The following RABGAP1L variants were observed in gnomAD, a reference collection of about 807,000 sequenced individuals.
The protein encoded by RABGAP1L is RAB GTPase activating protein 1 like.
A neutral mutation model predicts 137.7 loss-of-function variants in RABGAP1L; 63 were observed. That is an observed-to-expected ratio of 0.46 (90% confidence interval 0.37 to 0.56). The LOEUF (loss-of-function observed/expected upper bound fraction) is 0.56, where lower values mean the gene tolerates loss of function less well. RABGAP1L is among the 20% of genes least tolerant of loss of function. RABGAP1L has a pLI of 0.00. For synonymous variants in RABGAP1L, 431 were observed against 433.7 expected (o/e 0.99, Z 0.08); for missense variants, 1,095 against 1,244.0 (o/e 0.88, Z 1.80).
At chr1:174,908,537 CTT>C (rs774387616) in intron 19 of RABGAP1L, among the ~76,000 whole-genome samples, 2,808 of 94,318 alleles carry the variant, frequency 0.03, 16 homozygotes, top group Middle Eastern at 0.085. Context: ...ACAACATATT[CTT>C]TTTTTTTTTT....
chr1:174,548,292 G>T, intron 13 of RABGAP1L: 1 of 1,287,424 alleles, frequency 7.8e-7, no homozygotes, highest in Non-Finnish European at 9.9e-7. Context: ...TAGTTAAGTT[G>T]TTTACCCTCT....
intron 19 of RABGAP1L, among the ~76,000 whole-genome samples, chr1:174,891,809 C>G (rs745454828): frequency 6.6e-6 from 1 of 152,158 alleles, no homozygotes; most frequent in Non-Finnish European, 1.5e-5. Flanking sequence ...TCAGCCTTTT[C>G]TTGGATTTAA....
intron 13 of RABGAP1L, among the ~76,000 whole-genome samples, chr1:174,605,419 T>C (rs1670713722): frequency 6.6e-6 from 1 of 152,204 alleles, no homozygotes; most frequent in Non-Finnish European, 1.5e-5. Flanking sequence ...TCTTGACTGG[T>C]TTACTTTTGC....
At chr1:174,387,833 A>G (rs1327011721) in intron 12 of RABGAP1L, among the ~76,000 whole-genome samples, 3 of 152,238 alleles carry the variant, frequency 2.0e-5, no homozygotes, top group Admixed American at 2.0e-4. Flanking sequence ...TAAAAAACTA[A>G]CATAATTGAT....
chr1:174,930,387 C>T (rs557957104), intron 19 of RABGAP1L, among the ~76,000 whole-genome samples: 1 of 150,592 alleles, frequency 6.6e-6, no homozygotes, highest in African/African-American at 2.4e-5. Context: ...AGTACAGTGT[C>T]AGATGGCAGG....
At chr1:174,706,316 C>A (rs1249568647) in intron 17 of RABGAP1L, among the ~76,000 whole-genome samples, 1 of 151,894 alleles carries the variant, frequency 6.6e-6, no homozygotes, top group Non-Finnish European at 1.5e-5. Context: ...TTAGTTAATT[C>A]CAGAATGATG....
intron 18 of RABGAP1L, among the ~76,000 whole-genome samples, chr1:174,780,078 A>T (rs1686839202): frequency 7.4e-6 from 1 of 135,130 alleles, no homozygotes; most frequent in Non-Finnish European, 1.6e-5. Context: ...CAATAAATAA[A>T]TAAATAAATA....
chr1:174,169,806 T>G (rs910238816), intron 1 of RABGAP1L, among the ~76,000 whole-genome samples: 9 of 152,058 alleles, frequency 5.9e-5, no homozygotes, highest in South Asian at 2.1e-4. Context: ...TTCTCCAACC[T>G]TCGTCTCAGG....
At chr1:174,826,796 G>A (rs999776647) in intron 19 of RABGAP1L, among the ~76,000 whole-genome samples, 7 of 151,986 alleles carry the variant, frequency 4.6e-5, no homozygotes, top group African/African-American at 1.7e-4. Context: ...CTGCGGCCTC[G>A]CCAACATCTT....
rs570534927 is a variant in RABGAP1L at position 174,832,365 on chromosome 1, G to A, written c.2340+20405G>A. On this transcript the variant is annotated intron_variant, in intron 19 of 25. Coordinates refer to ENST00000681986, the MANE Select transcript of RABGAP1L (RefSeq NM_001366446.1). ...AAGAAAAAAGAGGTCCATGAGTAGA[G>A]TACTGCATTTGTCAGGAAAACTACT... Among the ~76,000 whole-genome samples the A allele has an allele frequency of 3.4e-5, 5 of 147,984 alleles. 1 individual carries two copies. Among genetic ancestry groups the A allele is most frequent in the Non-Finnish European group, 7.5e-5 (5 of 66,452 alleles).
At chr1:174,613,580 G>A (rs11487401) in intron 13 of RABGAP1L, among the ~76,000 whole-genome samples, 59,247 of 151,824 alleles carry the variant, frequency 0.39, 14,594 homozygotes, top group African/African-American at 0.7. Context: ...GGTCTGCTTG[G>A]TGCAGAGCTG....
intron 19 of RABGAP1L, among the ~76,000 whole-genome samples, chr1:174,859,547 A>T (rs371915464): frequency 6.6e-6 from 1 of 151,972 alleles, no homozygotes; most frequent in Non-Finnish European, 1.5e-5. Flanking sequence ...AAAGAATGAG[A>T]TTGTGTCCTT....
intron 13 of RABGAP1L, among the ~76,000 whole-genome samples, chr1:174,562,547 C>T (rs949734110): frequency 6.6e-6 from 1 of 152,242 alleles, no homozygotes. Context: ...TATAAAGACA[C>T]ATGCTCACGT....
chr1:174,527,144 T>C (rs80226832), intron 13 of RABGAP1L, among the ~76,000 whole-genome samples: 3,185 of 152,160 alleles, frequency 0.021, 120 homozygotes, highest in African/African-American at 0.074. Context: ...AACATTCCTC[T>C]TGGTTAAAAC....
intron 19 of RABGAP1L, among the ~76,000 whole-genome samples, chr1:174,829,555 A>G (rs962989922): frequency 6.7e-6 from 1 of 148,198 alleles, no homozygotes; most frequent in African/African-American, 2.5e-5. Context: ...TGATTTTAGG[A>G]TACTAAAAGT....
At chr1:174,937,846 G>A (rs1171178487) in intron 19 of RABGAP1L, among the ~76,000 whole-genome samples, 17 of 147,772 alleles carry the variant, frequency 1.2e-4, no homozygotes, top group Admixed American at 5.4e-4. Context: ...ACAGGCGCCC[G>A]CCACCAAGCC....
At chr1:174,396,484 A>G (rs1013721678) in intron 13 of RABGAP1L, among the ~76,000 whole-genome samples, 5 of 151,986 alleles carry the variant, frequency 3.3e-5, no homozygotes, top group Non-Finnish European at 7.4e-5. Context: ...TACATGATAA[A>G]TATATATATG....
At chr1:174,649,970 G>C (rs1390398260) in intron 14 of RABGAP1L, among the ~76,000 whole-genome samples, 4 of 152,010 alleles carry the variant, frequency 2.6e-5, no homozygotes, top group African/African-American at 4.8e-5. Context: ...GGCTGTGGGT[G>C]TGTCATAGAT....
At chr1:174,271,693 C>A (rs1055687211) in intron 7 of RABGAP1L, among the ~76,000 whole-genome samples, 6 of 151,926 alleles carry the variant, frequency 3.9e-5, no homozygotes, top group African/African-American at 1.4e-4. Context: ...TAAAAATCTT[C>A]GAGTTAGCTG....
Sources: allele counts gnomAD v4.1 joint callset (sites outside exome capture counted in the v4.1 genomes callset), GRCh38; gene constraint gnomAD v4.1.1; transcripts MANE v1.5; gene names NCBI Gene and HGNC (gene_info 2026-07-23, HGNC 2026-07-21).